PPIL2: variants seen among roughly 807,000 people sequenced by gnomAD.
PPIL2 encodes peptidylprolyl isomerase like 2, also known as RING-type E3 ubiquitin-protein ligase PPIL2.
Under a neutral mutation model 75.2 loss-of-function variants are expected in PPIL2, and 50 were observed. That is an observed-to-expected ratio of 0.66 (90% CI 0.53 to 0.84). The LOEUF (loss-of-function observed/expected upper bound fraction) is 0.84, where lower values mean the gene tolerates loss of function less well. Ranked by LOEUF, PPIL2 falls within the 40% of genes least tolerant of loss-of-function variation. The probability of loss-of-function intolerance (pLI) is 0.00; values close to 1 mark genes in which losing one functional copy is unlikely to be tolerated. For synonymous variants in PPIL2, 245 were observed against 258.8 expected (o/e 0.95, Z 0.51); for missense variants, 590 against 685.0 (o/e 0.86, Z 1.55).
intron 12 of PPIL2, 51 bp downstream of exon 12, chr22:21,687,049 A>G: frequency 6.6e-7 from 1 of 1,508,566 alleles, no homozygotes. Flanking sequence ...TCTCTGGGTC[A>G]TCTGACAGCC....
rs1200808599 is a variant in PPIL2 at position 21,696,546 on chromosome 22, C to T, written c.*1056C>T. ...CCCCATTTTTCTGTTAAATGTGCCC[C>T]TGGCTGGCTTTTTCTTCGTCTTCAG... On this transcript the variant is annotated 3_prime_UTR_variant, in exon 20 of 20. Coordinates refer to ENST00000398831, the MANE Select transcript of PPIL2 (RefSeq NM_014337.4). The T allele has an allele frequency of 1.5e-6, 2 of 1,373,224 alleles. No individual in the cohort carries two copies. The highest frequency in any genetic ancestry group is 1.9e-6 in the Non-Finnish European group (2 of 1,061,428). 85.1% of individuals were successfully genotyped at this position (1,373,224 alleles called of 1,614,324 possible).
rs201224935 is a variant in PPIL2, at chr22:21,696,844, G to A, written c.*1354G>A. Reference sequence around the variant, plus strand: ...TTTGTCTCCCTGGATGCTGGGTGGCGCCTCATCTGCATCTCTGCCTCACCC... The same window carrying A: ...TTTGTCTCCCTGGATGCTGGGTGGCACCTCATCTGCATCTCTGCCTCACCC... On this transcript the variant is annotated 3_prime_UTR_variant, in exon 20 of 20. Coordinates refer to ENST00000398831, the MANE Select transcript of PPIL2 (RefSeq NM_014337.4). 726 of 1,570,972 alleles carry A rather than the reference G, an allele frequency of 4.6e-4. 1 individual carries two copies. The African/African-American group carries it at 6.0e-3, about 13-fold the overall frequency.
chr22:21,666,117 C>T lies in PPIL2; in HGVS notation c.18C>T (p.His6=). 6.2e-7 allele frequency: 1 copy of T among 1,613,746 alleles called. No homozygotes were observed. Among genetic ancestry groups the T allele is most frequent in the Non-Finnish European group, 8.5e-7 (1 of 1,179,820 alleles). The change falls in exon 1 of 20, where the codon CAC becomes CAT. Residue 6 remains histidine (H), a synonymous_variant. Transcript: ENST00000398831. ...GCTCCGCCATGGGGAAGCGACAGCA[C>T]CAAAAGGACAAAATGTAAGTTGAGC... The part of the protein sequence containing the change: MGKRQ[H]QKDKMYITCA...
intron 6 of PPIL2, among the ~76,000 whole-genome samples, chr22:21,678,983 G>A (rs532330813): frequency 4.7e-5 from 7 of 147,518 alleles, no homozygotes; most frequent in African/African-American, 7.6e-5. Flanking sequence ...TGCAACCTCC[G>A]CCTCTTGGGT....
intron 6 of PPIL2, among the ~76,000 whole-genome samples, chr22:21,676,648 C>T (rs978640557): frequency 3.3e-5 from 5 of 151,958 alleles, no homozygotes; most frequent in African/African-American, 1.2e-4. Context: ...GAGTGAACAC[C>T]GCACATGTTT....
At chr22:21,694,856 C>A in intron 18 of PPIL2, 39 bp downstream of exon 18, 1 of 1,590,532 alleles carries the variant, frequency 6.3e-7, no homozygotes, top group Non-Finnish European at 8.6e-7. Flanking sequence ...AGGGTCTGGG[C>A]TAGTGCACTT....
In PPIL2 at chr22:21,696,822, G is replaced by C; in HGVS notation, c.*1332G>C. 1 of 1,557,504 alleles carries C rather than the reference G, an allele frequency of 6.4e-7. No individual in the cohort carries two copies. The highest frequency in any genetic ancestry group is 8.7e-7 in the Non-Finnish European group (1 of 1,151,170). ...CTGAAGCTGCAGGCCTGAGCCCTTT[G>C]TCTCCCTGGATGCTGGGTGGCGCCT... On this transcript the variant is annotated 3_prime_UTR_variant, in exon 20 of 20. Transcript: ENST00000398831.
chr22:21,680,357 T>C (rs544830193), intron 6 of PPIL2, among the ~76,000 whole-genome samples: 1 of 152,052 alleles, frequency 6.6e-6, no homozygotes, highest in Non-Finnish European at 1.5e-5. Context: ...TGAAACACTG[T>C]CTCTACTAAA....
intron 5 of PPIL2, among the ~76,000 whole-genome samples, chr22:21,673,965 CAAAG>C (rs1425541772): frequency 3.3e-5 from 5 of 152,212 alleles, no homozygotes; most frequent in Non-Finnish European, 7.3e-5. Flanking sequence ...AGTTGAATGA[CAAAG>C]GAAGGAACGA....
At chr22:21,692,441 A>C (rs369705137) in intron 15 of PPIL2, among the ~76,000 whole-genome samples, 10 of 151,790 alleles carry the variant, frequency 6.6e-5, no homozygotes, top group African/African-American at 1.9e-4. Flanking sequence ...GGCGTGAGCC[A>C]CTGTGCCTGG....
At chr22:21,674,581 G>C (rs2066759421) in intron 5 of PPIL2, among the ~76,000 whole-genome samples, 1 of 152,144 alleles carries the variant, frequency 6.6e-6, no homozygotes, top group South Asian at 2.1e-4. Flanking sequence ...TGTGTCTGTA[G>C]TCCTAGCTAC....
intron 9 of PPIL2, among the ~76,000 whole-genome samples, chr22:21,684,465 A>G (rs1267591650): frequency 2.0e-5 from 3 of 149,890 alleles, no homozygotes; most frequent in East Asian, 1.9e-4. Flanking sequence ...AAAAAAAAAA[A>G]AAAAAAAAAA....
intron 15 of PPIL2, 148 bp downstream of exon 15, chr22:21,688,997 C>T (rs905325846): frequency 4.0e-6 from 3 of 756,050 alleles, no homozygotes; most frequent in Admixed American, 2.5e-5. Flanking sequence ...TGTGCACCTG[C>T]GTTCAAAAGG....
intron 14 of PPIL2, 68 bp from the exon 15 acceptor site, chr22:21,688,664 C>CT: frequency 6.7e-7 from 1 of 1,493,230 alleles, no homozygotes; most frequent in South Asian, 1.1e-5. Flanking sequence ...CCTCGGGACT[C>CT]TGAGGTTTCT....
At chr22:21,699,115 G>A (rs1461831945), downstream of PPIL2, 1 of 152,466 alleles carries the variant, frequency 6.6e-6, no homozygotes, top group Non-Finnish European at 1.5e-5. Context: ...TGTGGGCAGT[G>A]AGCTCGAGTG....
At chr22:21,667,405 C>T (rs927895533) in intron 1 of PPIL2, among the ~76,000 whole-genome samples, 5 of 151,960 alleles carry the variant, frequency 3.3e-5, no homozygotes, top group African/African-American at 9.7e-5. Context: ...ATCCACCTGC[C>T]TCGGCCTCCC....
intron 6 of PPIL2, among the ~76,000 whole-genome samples, chr22:21,677,084 C>T (rs1669119): frequency 0.12 from 17,613 of 151,808 alleles, 1,304 homozygotes; most frequent in Non-Finnish European, 0.16. Context: ...ACGCTCCTCA[C>T]TTCCTAGACA....
chr22:21,681,536 A>C, intron 7 of PPIL2, 146 bp downstream of exon 7: 1 of 716,414 alleles, frequency 1.4e-6, no homozygotes. Context: ...TCATCTAGCA[A>C]AGCTCTGGCA....
At chr22:21,693,297 C>T (rs1164549443) in intron 15 of PPIL2, among the ~76,000 whole-genome samples, 1 of 152,262 alleles carries the variant, frequency 6.6e-6, no homozygotes, top group Non-Finnish European at 1.5e-5. Flanking sequence ...ATCTACCTGC[C>T]TTGGCCTCCC....
Sources: gnomAD v4.1 joint callset for allele counts (sites outside exome capture counted in the v4.1 genomes callset) on GRCh38, gnomAD v4.1.1 for gene constraint, MANE v1.5 for transcripts, NCBI Gene and HGNC (gene_info 2026-07-23, HGNC 2026-07-21) for gene names.